The following ADAP2 variants were observed in gnomAD, a reference collection of about 807,000 sequenced individuals.
ADAP2 encodes arf-GAP with dual PH domain-containing protein 2.
In ADAP2, 42 loss-of-function variants were observed where a neutral mutation model predicts 54.9. That is an observed-to-expected ratio of 0.77 (90% CI 0.60 to 0.99). ADAP2 has a LOEUF of 0.99. Ranked by LOEUF, ADAP2 falls within the 50% of genes least tolerant of loss-of-function variation. The pLI, the probability that ADAP2 is intolerant of heterozygous loss-of-function variation, is 0.00. For synonymous variants in ADAP2, 177 were observed against 180.1 expected (o/e 0.98, Z 0.14); for missense variants, 429 against 480.4 (o/e 0.89, Z 1.00).
intron 9 of ADAP2, among the ~76,000 whole-genome samples, chr17:30,955,755 G>A (rs1905024154): frequency 6.6e-6 from 1 of 151,644 alleles, no homozygotes; most frequent in African/African-American, 2.4e-5. Flanking sequence ...CAGGTGTGGT[G>A]GTGCATGCCT....
At chr17:30,938,990 G>A (rs1267669580) in intron 5 of ADAP2, among the ~76,000 whole-genome samples, 1 of 152,052 alleles carries the variant, frequency 6.6e-6, no homozygotes, top group Non-Finnish European at 1.5e-5. Context: ...AATATAAAAG[G>A]TCTGTCCAAT....
At chr17:30,946,395 T>A (rs1912681330) in intron 6 of ADAP2, among the ~76,000 whole-genome samples, 1 of 151,976 alleles carries the variant, frequency 6.6e-6, no homozygotes, top group South Asian at 2.1e-4. Flanking sequence ...TTTTTTGTAT[T>A]TTTAGTAGAC....
intron 3 of ADAP2, among the ~76,000 whole-genome samples, chr17:30,929,621 C>T (rs1446644063): frequency 6.6e-6 from 1 of 152,202 alleles, no homozygotes; most frequent in African/African-American, 2.4e-5. Context: ...TTTCCACCCT[C>T]ATGGTGGGCC....
intron 7 of ADAP2, among the ~76,000 whole-genome samples, chr17:30,950,825 G>T (rs868285059): frequency 6.6e-6 from 1 of 152,194 alleles, no homozygotes; most frequent in Non-Finnish European, 1.5e-5. Flanking sequence ...TGGGCGGGGA[G>T]TGGAGACTGC....
At position 30,956,238 on chromosome 17, in the gene ADAP2, C is replaced by G; in HGVS notation, c.883-3C>G. On this transcript the variant is annotated splice_polypyrimidine_tract_variant and splice_region_variant and intron_variant, in intron 9 of 10. Coordinates refer to ENST00000330889, the MANE Select transcript of ADAP2 (RefSeq NM_018404.3). Reference sequence around the variant, plus strand: ...CTGATGACCCTGTACTCTCCATTTTCAGGATGCCTTCGAGCAGGGCCAGGT... The same window carrying G: ...CTGATGACCCTGTACTCTCCATTTTGAGGATGCCTTCGAGCAGGGCCAGGT... 1 of 1,614,044 alleles carries G rather than the reference C, an allele frequency of 6.2e-7. No homozygotes were observed. The highest frequency in any genetic ancestry group is 8.5e-7 in the Non-Finnish European group (1 of 1,179,966).
At chr17:30,949,002 A>T (rs1406857328) in intron 6 of ADAP2, among the ~76,000 whole-genome samples, 1 of 152,226 alleles carries the variant, frequency 6.6e-6, no homozygotes, top group Non-Finnish European at 1.5e-5. Context: ...TTAGAAGGTG[A>T]AAAGCACTGT....
intron 6 of ADAP2, among the ~76,000 whole-genome samples, chr17:30,949,029 A>G (rs7213182): frequency 0.14 from 20,636 of 152,046 alleles, 4,352 homozygotes; most frequent in African/African-American, 0.45. Flanking sequence ...CCATTGCAGA[A>G]CTCCCATGCA....
intron 1 of ADAP2, 26 bp downstream of exon 1, chr17:30,922,134 G>A: frequency 2.4e-6 from 3 of 1,226,464 alleles, no homozygotes; most frequent in Non-Finnish European, 3.0e-6. Flanking sequence ...CGCGGGCAGC[G>A]CGAGACCCCC....
intron 9 of ADAP2, among the ~76,000 whole-genome samples, chr17:30,955,523 A>G (rs1904999344): frequency 6.6e-6 from 1 of 151,940 alleles, no homozygotes; most frequent in South Asian, 2.1e-4. Flanking sequence ...CCTAACCAAC[A>G]TGGTGAAACC....
intron 6 of ADAP2, 63 bp from the exon 7 acceptor site, chr17:30,949,224 A>C: frequency 8.0e-6 from 10 of 1,254,490 alleles, no homozygotes; most frequent in Non-Finnish European, 1.2e-5. Context: ...CCGCCACCAG[A>C]GGTAGCTTCC....
At chr17:30,951,235 T>C (rs1295305613) in intron 7 of ADAP2, among the ~76,000 whole-genome samples, 1 of 152,172 alleles carries the variant, frequency 6.6e-6, no homozygotes, top group Non-Finnish European at 1.5e-5. Flanking sequence ...GCCTAGGTGA[T>C]AGTACCTACT....
intron 2 of ADAP2, among the ~76,000 whole-genome samples, chr17:30,923,693 CTTTTTT>C (rs1013811428): frequency 1.1e-5 from 1 of 92,410 alleles, no homozygotes; most frequent in Non-Finnish European, 2.0e-5. Flanking sequence ...TTCTTTCTTC[CTTTTTT>C]TTTTTTTTTT....
chr17:30,945,305 C>T (rs1434671450), intron 6 of ADAP2, among the ~76,000 whole-genome samples: 1 of 152,162 alleles, frequency 6.6e-6, no homozygotes, highest in African/African-American at 2.4e-5. Context: ...CAATGAAAGT[C>T]CAGTTACAGA....
chr17:30,927,477 G>A (rs527355906), intron 3 of ADAP2, among the ~76,000 whole-genome samples: 5 of 152,120 alleles, frequency 3.3e-5, no homozygotes, highest in Admixed American at 6.5e-5. Context: ...TTAGCCGGGC[G>A]TGGTGGCGGG....
chr17:30,922,203 C>T (rs1910666646), intron 1 of ADAP2, 95 bp downstream of exon 1: 4 of 910,714 alleles, frequency 4.4e-6, no homozygotes, highest in Non-Finnish European at 5.7e-6. Flanking sequence ...CCGCCCTCGG[C>T]CCCCTGGACC....
Position 30,944,897 on chromosome 17 carries a change from T to G in ADAP2, c.511-10T>G, listed in dbSNP as rs1317833920. 1 of 1,611,576 alleles carries G rather than the reference T, an allele frequency of 6.2e-7. No individual in the cohort carries two copies. Among genetic ancestry groups the G allele is most frequent in the East Asian group, 2.2e-5 (1 of 44,866 alleles). The stretch of plus-strand genomic sequence containing the variant: ...CTGTCAGCGTCTTTCTTTCTCTTTC[T>G]CTCTTTCAGGGTAAAAGCCCCAAAG... On this transcript the variant is annotated splice_polypyrimidine_tract_variant and intron_variant, in intron 5 of 10. Transcript: ENST00000330889.
intron 1 of ADAP2, 52 bp downstream of exon 1, chr17:30,922,160 C>A (rs1050704778): frequency 4.3e-6 from 5 of 1,173,234 alleles, no homozygotes; most frequent in Non-Finnish European, 5.3e-6. Flanking sequence ...GACCCCAGGC[C>A]CACCCGACTC....
At chr17:30,938,994 G>A (rs1267127473) in intron 5 of ADAP2, among the ~76,000 whole-genome samples, 1 of 152,116 alleles carries the variant, frequency 6.6e-6, no homozygotes, top group Non-Finnish European at 1.5e-5. Flanking sequence ...TAAAAGGTCT[G>A]TCCAATGTGG....
chr17:30,945,919 C>T (rs990278789), intron 6 of ADAP2, among the ~76,000 whole-genome samples: 7 of 149,726 alleles, frequency 4.7e-5, no homozygotes, highest in Admixed American at 1.3e-4. Context: ...TTTGGGAGGC[C>T]GAGGCAGGCG....
Sources: gnomAD v4.1 joint callset for allele counts (sites outside exome capture counted in the v4.1 genomes callset) on GRCh38, gnomAD v4.1.1 for gene constraint, MANE v1.5 for transcripts, NCBI Gene and HGNC (gene_info 2026-07-23, HGNC 2026-07-21) for gene names.